Variants in TBCK observed in about 807,000 individuals in gnomAD.
TBCK encodes TBC1 domain containing kinase.
TBCK carries 99 observed loss-of-function variants against 113.4 expected under a neutral mutation model. The observed-to-expected ratio is 0.87, with a 90% CI of 0.74 to 1.03. The LOEUF (loss-of-function observed/expected upper bound fraction) is 1.03. TBCK is among the 50% of genes least tolerant of loss of function. The probability of loss-of-function intolerance (pLI) is 0.00; values close to 1 mark genes in which losing one functional copy is unlikely to be tolerated. For synonymous variants in TBCK, 369 were observed against 370.8 expected, an observed-to-expected ratio of 1.00 and a Z score of 0.05; for missense variants, 1,045 against 1,061.3, an observed-to-expected ratio of 0.98 and a Z score of 0.21.
In TBCK at chr4:106,231,581, T is replaced by C. The variant is rs994475748; in HGVS notation, c.1690+148A>G. On this transcript the variant is annotated intron_variant, in intron 18 of 25. Coordinates refer to ENST00000394708, the MANE Select transcript of TBCK (RefSeq NM_001163435.3). ...CAGTAATAAATTAATCCTTCACATC[T>C]CTAAAATGAGTCTATAATAGATTAT... is the stretch of plus-strand genomic sequence containing the variant. 5.0e-6 allele frequency: 3 copies of C among 603,130 alleles called. No individual in the cohort carries two copies. The African/African-American group carries it at 5.8e-5, about 12-fold the overall frequency. The allele number at this position is 603,130 out of a possible 1,614,324, so 37.4% of individuals were successfully genotyped here. A position where few individuals can be genotyped will look rare whatever the true frequency, so the allele number is the denominator to read the frequency against.
chr4:106,264,349 T>C (rs1230333285), intron 3 of TBCK, among the ~76,000 whole-genome samples: 2 of 151,984 alleles, frequency 1.3e-5, no homozygotes, highest in Non-Finnish European at 1.5e-5. Context: ...GGTAGGTCTC[T>C]GGAAAATGTA....
At chr4:106,115,606 C>T (rs557468742) in intron 24 of TBCK, among the ~76,000 whole-genome samples, 10 of 152,104 alleles carry the variant, frequency 6.6e-5, no homozygotes, top group African/African-American at 2.2e-4. Flanking sequence ...CTAGAAAATA[C>T]ACAATCAAAG....
chr4:106,167,178 C>T (rs1207282246), intron 23 of TBCK, among the ~76,000 whole-genome samples: 2 of 142,440 alleles, frequency 1.4e-5, no homozygotes, highest in African/African-American at 5.2e-5. Context: ...ATATATAGAA[C>T]TGTATATATA....
At chr4:106,198,437 C>T (rs1201039262) in intron 20 of TBCK, among the ~76,000 whole-genome samples, 1 of 152,106 alleles carries the variant, frequency 6.6e-6, no homozygotes. Context: ...GGCAGATTTA[C>T]TATGATCTGA....
chr4:106,051,728 T>G (rs749483937), intron 25 of TBCK, among the ~76,000 whole-genome samples: 11 of 151,844 alleles, frequency 7.2e-5, no homozygotes, highest in Non-Finnish European at 1.2e-4. Context: ...TAAGCATATT[T>G]GAGATGAAAA....
chr4:106,164,904 C>T (rs1349385650), intron 23 of TBCK, among the ~76,000 whole-genome samples: 1 of 151,476 alleles, frequency 6.6e-6, no homozygotes, highest in Non-Finnish European at 1.5e-5. Context: ...TGAAAGCATA[C>T]CTTATAAACT....
intron 5 of TBCK, among the ~76,000 whole-genome samples, chr4:106,254,123 C>T (rs1761725811): frequency 1.3e-5 from 2 of 151,724 alleles, no homozygotes; most frequent in Admixed American, 1.3e-4. Flanking sequence ...TGTGATGTTT[C>T]TGGCCAGAGA....
chr4:106,290,039 C>T (rs1198129527), intron 3 of TBCK, among the ~76,000 whole-genome samples: 1 of 152,116 alleles, frequency 6.6e-6, no homozygotes, highest in East Asian at 1.9e-4. Flanking sequence ...CCAGGCTCAA[C>T]TAAAATATTT....
At chr4:106,083,732 C>A (rs1739180368) in intron 25 of TBCK, among the ~76,000 whole-genome samples, 2 of 152,158 alleles carry the variant, frequency 1.3e-5, no homozygotes, top group African/African-American at 4.8e-5. Flanking sequence ...GAAGATGGAG[C>A]AGGCACCCAT....
chr4:106,193,457 A>C, intron 22 of TBCK, 152 bp downstream of exon 22: 1 of 684,264 alleles, frequency 1.5e-6, no homozygotes, highest in South Asian at 2.1e-5. Context: ...CAGAAGAAGC[A>C]GTATATGAGA....
rs776954931 is a variant in TBCK, at chr4:106,249,026, T to C, written c.659-44A>G. The C allele has an allele frequency of 4.9e-6, 7 of 1,433,204 alleles. No homozygotes were observed. The East Asian group carries it at 1.4e-4, about 28-fold the overall frequency. 88.8% of individuals were successfully genotyped at this position (1,433,204 alleles called of 1,614,324 possible). A position where few individuals can be genotyped will look rare whatever the true frequency, so the allele number is the denominator to read the frequency against. ...ATATGAATAAATGCTATTTTTCTAATCTGTCCAACAAACCAGAAAATAAAC... is the reference window on the plus strand; with the variant it reads ...ATATGAATAAATGCTATTTTTCTAACCTGTCCAACAAACCAGAAAATAAAC... On this transcript the variant is annotated intron_variant, in intron 7 of 25. Transcript: ENST00000394708.
chr4:106,190,203 TA>T (rs1254283317), intron 22 of TBCK, among the ~76,000 whole-genome samples: 3 of 152,184 alleles, frequency 2.0e-5, no homozygotes, highest in Non-Finnish European at 4.4e-5. Context: ...ACAGTAACCC[TA>T]TTTAATTTAT....
At chr4:106,124,845 C>T (rs1020364359) in intron 23 of TBCK, among the ~76,000 whole-genome samples, 21 of 149,524 alleles carry the variant, frequency 1.4e-4, no homozygotes, top group Non-Finnish European at 2.5e-4. Flanking sequence ...ACTCTGGGGA[C>T]TGTTGTGGGC....
At chr4:106,222,922 A>G (rs1407098199) in intron 19 of TBCK, among the ~76,000 whole-genome samples, 1 of 152,148 alleles carries the variant, frequency 6.6e-6, no homozygotes, top group Non-Finnish European at 1.5e-5. Context: ...TTAGAGCTAC[A>G]TTTGTGAACC....
At chr4:106,198,811 C>T (rs1395437798) in intron 20 of TBCK, among the ~76,000 whole-genome samples, 1 of 151,976 alleles carries the variant, frequency 6.6e-6, no homozygotes, top group Non-Finnish European at 1.5e-5. Flanking sequence ...CCCACTCTAG[C>T]AGAAGAGTCA....
intron 24 of TBCK, among the ~76,000 whole-genome samples, chr4:106,110,891 A>C (rs1020704288): frequency 2.6e-5 from 4 of 152,110 alleles, no homozygotes; most frequent in African/African-American, 9.7e-5. Context: ...AAGACAAGGG[A>C]TATGCTGTCT....
At chr4:106,150,302 T>C (rs1748329200) in intron 23 of TBCK, among the ~76,000 whole-genome samples, 1 of 152,164 alleles carries the variant, frequency 6.6e-6, no homozygotes, top group Admixed American at 6.5e-5. Context: ...ATCACAAATA[T>C]GAATGCCTTA....
chr4:106,195,825 C>T (rs965204468), intron 20 of TBCK, among the ~76,000 whole-genome samples: 9 of 151,976 alleles, frequency 5.9e-5, no homozygotes, highest in African/African-American at 2.2e-4. Flanking sequence ...TTTCAAACAG[C>T]ATATTGTGGG....
At chr4:106,054,305 T>C (rs1394378859) in intron 25 of TBCK, among the ~76,000 whole-genome samples, 1 of 151,754 alleles carries the variant, frequency 6.6e-6, no homozygotes, top group African/African-American at 2.4e-5. Context: ...CTTGAATGAC[T>C]GCTTCTATCC....
Sources: gnomAD v4.1 joint callset for allele counts (sites outside exome capture counted in the v4.1 genomes callset) on GRCh38, gnomAD v4.1.1 for gene constraint, MANE v1.5 for transcripts, NCBI Gene and HGNC (gene_info 2026-07-23, HGNC 2026-07-21) for gene names.